The following USP47 variants were observed in gnomAD, a reference collection of about 807,000 sequenced individuals.
USP47 encodes ubiquitin carboxyl-terminal hydrolase 47.
In USP47, 35 loss-of-function variants were observed where a neutral mutation model predicts 165.1. That is an observed-to-expected ratio of 0.21 (90% confidence interval 0.16 to 0.28). USP47 has a LOEUF of 0.28. USP47 is among the 10% of genes least tolerant of loss of function. The pLI is 1.00. For synonymous variants in USP47, 531 were observed against 544.5 expected (o/e 0.98, Z 0.35); for missense variants, 1,277 against 1,607.4 (o/e 0.79, Z 3.52).
chr11:11,893,729 C>G (rs1353462828), intron 4 of USP47, among the ~76,000 whole-genome samples: 1 of 151,656 alleles, frequency 6.6e-6, no homozygotes, highest in East Asian at 1.9e-4. Flanking sequence ...TTAAATTTTT[C>G]TAGAGATGAG....
chr11:11,930,446 T>A (rs1248588936), intron 13 of USP47, among the ~76,000 whole-genome samples: 1 of 152,158 alleles, frequency 6.6e-6, no homozygotes, highest in East Asian at 1.9e-4. Context: ...TATGTAGACA[T>A]TCCAATACAC....
chr11:11,923,384 G>T (rs1279725136), intron 11 of USP47, among the ~76,000 whole-genome samples: 1 of 151,950 alleles, frequency 6.6e-6, no homozygotes. Flanking sequence ...GTAGGGAAAT[G>T]CCAAAGCCCC....
chr11:11,927,504 A>G (rs187695004), intron 11 of USP47, among the ~76,000 whole-genome samples: 1 of 152,248 alleles, frequency 6.6e-6, no homozygotes, highest in East Asian at 1.9e-4. Flanking sequence ...TGGCCCAGAA[A>G]GCCTAAAATA....
chr11:11,886,104 C>G (rs561049593), intron 3 of USP47, among the ~76,000 whole-genome samples: 2 of 152,212 alleles, frequency 1.3e-5, no homozygotes, highest in Admixed American at 1.3e-4. Context: ...GGTCAGCAAC[C>G]TCTAAGATCA....
intron 1 of USP47, among the ~76,000 whole-genome samples, chr11:11,855,605 AG>A (rs1317655880): frequency 6.6e-6 from 1 of 152,224 alleles, no homozygotes; most frequent in Non-Finnish European, 1.5e-5. Flanking sequence ...ACCTGTGGTA[AG>A]GTTATAGGTT....
rs13903 is a variant in USP47, at chr11:11,958,850, T to C, written c.*2675T>C. The C allele has an allele frequency of 0.8, 122,373 of 152,202 alleles. 49,915 individuals carry two copies. Among genetic ancestry groups the C allele is most frequent in the Middle Eastern group, 0.95 (279 of 294 alleles). The allele number at this position is 152,202 out of a possible 1,614,324, so 9.4% of individuals were successfully genotyped here. A position where few individuals can be genotyped will look rare whatever the true frequency, so the allele number is the denominator to read the frequency against. On this transcript the variant is annotated 3_prime_UTR_variant, in exon 28 of 28. Coordinates refer to ENST00000527733, the MANE Select transcript of USP47 (RefSeq NM_001282659.2). Reference sequence around the variant, plus strand: ...GATAAGAACAGTGTGTGAAGCAGCCTTCACACTAGAGTGTTTGGTCATCTC... The same window carrying C: ...GATAAGAACAGTGTGTGAAGCAGCCCTCACACTAGAGTGTTTGGTCATCTC...
At position 11,933,125 on chromosome 11, in the gene USP47, C is replaced by A. The variant is rs768080263; in HGVS notation, c.1764+9C>A. 1 of 1,606,166 alleles carries A rather than the reference C, an allele frequency of 6.2e-7. No individual in the cohort carries two copies. Among genetic ancestry groups the A allele is most frequent in the Non-Finnish European group, 8.5e-7 (1 of 1,175,204 alleles). On this transcript the variant is annotated intron_variant, in intron 15 of 27. Transcript: ENST00000527733. ...AGCGCAATACATGCAAGGTTGAATT[C>A]CATCATTTTATTTTTAATTGAAAGT...
At chr11:11,903,141 T>C (rs552977820) in intron 6 of USP47, 122 bp from the exon 7 acceptor site, 330 of 971,640 alleles carry the variant, frequency 3.4e-4, no homozygotes, top group Admixed American at 6.1e-4. Flanking sequence ...CTTATGTTCT[T>C]TTTTAAATTT....
At chr11:11,877,333 G>A (rs1850500330) in intron 1 of USP47, among the ~76,000 whole-genome samples, 2 of 152,176 alleles carry the variant, frequency 1.3e-5, no homozygotes, top group African/African-American at 4.8e-5. Flanking sequence ...TTATATTAAA[G>A]TATAGGTGAA....
intron 3 of USP47, among the ~76,000 whole-genome samples, chr11:11,888,219 A>C (rs1351021082): frequency 1.3e-5 from 2 of 152,118 alleles, no homozygotes; most frequent in Non-Finnish European, 1.5e-5. Flanking sequence ...AAATCAGCAC[A>C]GAAATGAAGG....
chr11:11,902,889 T>G (rs1426836334), intron 6 of USP47, 29 bp downstream of exon 6: 1 of 1,514,432 alleles, frequency 6.6e-7, no homozygotes. Context: ...TGATAAGCGT[T>G]CTAATATTCA....
At chr11:11,844,639 C>G (rs1848324752) in intron 1 of USP47, among the ~76,000 whole-genome samples, 1 of 151,974 alleles carries the variant, frequency 6.6e-6, no homozygotes, top group Non-Finnish European at 1.5e-5. Flanking sequence ...TTGTAACTCT[C>G]TAAGTACATA....
chr11:11,899,002 A>C (rs1352597599), intron 5 of USP47, among the ~76,000 whole-genome samples: 2 of 152,234 alleles, frequency 1.3e-5, no homozygotes, highest in Non-Finnish European at 2.9e-5. Flanking sequence ...GAAGGCACAG[A>C]GAAATATAGC....
At chr11:11,856,263 T>G (rs1849033167) in intron 1 of USP47, among the ~76,000 whole-genome samples, 1 of 152,212 alleles carries the variant, frequency 6.6e-6, no homozygotes, top group African/African-American at 2.4e-5. Context: ...GTTATAAAAT[T>G]TAGTTGCTGA....
In USP47 at chr11:11,902,746, G is replaced by C; in HGVS notation, c.625G>C (p.Val209Leu). The C allele has an allele frequency of 6.3e-7, 1 of 1,581,650 alleles. No homozygotes were observed. The highest frequency in any genetic ancestry group is 8.6e-7 in the Non-Finnish European group (1 of 1,163,768). Residue 209 changes from valine (V) to leucine (L), a missense_variant, in exon 6 of 28, where the codon GTG (valine) becomes CTG (leucine). Val to Leu is a conservative substitution (Grantham distance 32). This residue lies in a region of USP47 where 175 missense variants were observed against 295.8 expected (regional missense o/e 0.59). Transcript: ENST00000527733. ...WEFEESEEDP[V>L]TSIPYQLQRL... ...ATTTGAAGAATCTGAAGAAGATCCA[G>C]TGACAAGTATTCCATACCAACTTCA...
intron 8 of USP47, among the ~76,000 whole-genome samples, chr11:11,915,662 C>T (rs894390630): frequency 1.3e-5 from 2 of 151,784 alleles, no homozygotes; most frequent in African/African-American, 2.4e-5. Flanking sequence ...TTACAATTAT[C>T]TCAAAAGTTT....
Position 11,902,933 on chromosome 11 carries a change from C to T in USP47, c.739+73C>T, listed in dbSNP as rs895997846. On this transcript the variant is annotated intron_variant, in intron 6 of 27. Coordinates refer to ENST00000527733, the MANE Select transcript of USP47 (RefSeq NM_001282659.2). ...CTAGAAGACAATAATATTACAAACA[C>T]ATTACACATAATTACCTTTATCTTA... 21 of 1,399,948 alleles carry T rather than the reference C, an allele frequency of 1.5e-5. No individual in the cohort carries two copies. In the African/African-American group the frequency reaches 2.8e-4, roughly 18 times the overall value. The allele number at this position is 1,399,948 out of a possible 1,614,324, so 86.7% of individuals were successfully genotyped here. A position where few individuals can be genotyped will look rare whatever the true frequency, so the allele number is the denominator to read the frequency against.
chr11:11,915,421 G>A (rs79353889), intron 8 of USP47, among the ~76,000 whole-genome samples: 1 of 152,098 alleles, frequency 6.6e-6, no homozygotes, highest in African/African-American at 2.4e-5. Context: ...TCAGTCTTTT[G>A]ACGGGTGTTG....
rs528423532 is a variant in USP47 at position 11,872,952 on chromosome 11, A to G, written c.40-7225A>G. Among the ~76,000 whole-genome samples the G allele has an allele frequency of 7.9e-5, 12 of 152,306 alleles. No homozygotes were observed. The South Asian group carries it at 2.3e-3, about 29-fold the overall frequency. On this transcript the variant is annotated intron_variant, in intron 1 of 27. Transcript: ENST00000527733. The stretch of plus-strand genomic sequence containing the variant: ...CTGAATGTTTTGGCATACAAAAACA[A>G]TGAGTATTGAGGGACAAGAAGTAGA...
Sources: allele counts gnomAD v4.1 joint callset (sites outside exome capture counted in the v4.1 genomes callset), GRCh38; gene constraint gnomAD v4.1.1; regional missense constraint gnomAD v4.1.1; transcripts MANE v1.5; gene names NCBI Gene and HGNC (gene_info 2026-07-23, HGNC 2026-07-21).